The following AARS1 variants were observed in gnomAD, a reference collection of about 807,000 sequenced individuals.
The protein encoded by AARS1 is alanine--tRNA ligase, cytoplasmic.
AARS1 carries 72 observed loss-of-function variants against 108.9 expected under a neutral mutation model. The ratio of observed to expected loss-of-function variants is 0.66; its 90% CI spans 0.55 to 0.80. AARS1 has a LOEUF of 0.80. Ranked by LOEUF, AARS1 falls within the 30% of genes least tolerant of loss-of-function variation. The pLI is 0.00. For synonymous variants in AARS1, 489 were observed against 465.7 expected (o/e 1.05, Z -0.64); for missense variants, 1,193 against 1,233.2 (o/e 0.97, Z 0.49).
chr16:70,258,166 G>A lies in AARS1; in HGVS notation c.2044C>T (p.Leu682=). ...TAGGTCTCATCAAACACAGCCCGTA[G>A]GCCCTGGATGGCTTTCGCTGCTGCC... ...PLAAAKAIQG[L]RAVFDETYPD... Residue 682 remains leucine (L), a synonymous_variant, in exon 15 of 21, where the codon CTA becomes TTA. Transcript: ENST00000261772. The A allele has an allele frequency of 6.2e-7, 1 of 1,608,874 alleles. No individual in the cohort carries two copies. The highest frequency in any genetic ancestry group is 8.5e-7 in the Non-Finnish European group (1 of 1,177,424).
At chr16:70,275,241 C>T (rs1326000238) in intron 4 of AARS1, among the ~76,000 whole-genome samples, 1 of 149,246 alleles carries the variant, frequency 6.7e-6, no homozygotes, top group Non-Finnish European at 1.5e-5. Flanking sequence ...GCCTAGGTGA[C>T]AGACTGAGAC....
At chr16:70,270,754 T>C (rs1440477639) in intron 5 of AARS1, among the ~76,000 whole-genome samples, 9 of 150,336 alleles carry the variant, frequency 6.0e-5, no homozygotes, top group African/African-American at 2.0e-4. Flanking sequence ...GGAGAATCGC[T>C]TGAACCCAGG....
At chr16:70,268,222 C>G in intron 8 of AARS1, 49 bp downstream of exon 8, 1 of 1,555,138 alleles carries the variant, frequency 6.4e-7, no homozygotes. Context: ...CTCCATCCCT[C>G]TTAACGGACT....
intron 12 of AARS1, 67 bp downstream of exon 12, chr16:70,262,279 G>A (rs1363840406): frequency 1.9e-6 from 3 of 1,595,952 alleles, no homozygotes; most frequent in Non-Finnish European, 2.6e-6. Context: ...AGCACTGTGG[G>A]GCAAAAGCAG....
rs1295605832 is a variant in AARS1 at position 70,265,637 on chromosome 16, G to A, written c.1248C>T (p.Asp416=). The A allele has an allele frequency of 1.2e-6, 2 of 1,613,782 alleles. No individual in the cohort carries two copies. Among genetic ancestry groups the A allele is most frequent in the African/African-American group, 1.3e-5 (1 of 74,892 alleles). Residue 416 remains aspartate (D), a synonymous_variant, in exon 10 of 21, where the codon GAC becomes GAT. Transcript: ENST00000261772. ...IPGDTAWLLY[D]TYGFPVDLTG... ...TCAGATCCACTGGAAACCCATAGGT[G>A]TCATAGAGGAGCCAAGCAGTGTCTC...
chr16:70,259,085 A>G lies in AARS1; in HGVS notation c.1887T>C (p.Val629=). 2 of 1,614,162 alleles carry G rather than the reference A, an allele frequency of 1.2e-6. No individual in the cohort carries two copies. Among genetic ancestry groups the G allele is most frequent in the South Asian group, 2.2e-5 (2 of 91,072 alleles). Reference sequence around the variant, plus strand: ...AGTCAAATCTGAGGCGGTCAGGAGCAACCAATGAGCCTTTCTGGTCAGCTT... The same window carrying G: ...AGTCAAATCTGAGGCGGTCAGGAGCGACCAATGAGCCTTTCTGGTCAGCTT... The part of the protein sequence containing the change: ...LGEADQKGSL[V]APDRLRFDFT... The change falls in exon 14 of 21, where the codon GTT becomes GTC. Residue 629 remains valine, a synonymous_variant. Coordinates refer to ENST00000261772, the MANE Select transcript of AARS1 (RefSeq NM_001605.3).
At chr16:70,254,798 T>G (rs1189582447) in intron 16 of AARS1, 64 bp from the exon 17 acceptor site, 1 of 1,156,286 alleles carries the variant, frequency 8.6e-7, no homozygotes, top group Non-Finnish European at 1.3e-6. Flanking sequence ...ATCCTGTGTC[T>G]GAGCAGCTGC....
intron 11 of AARS1, among the ~76,000 whole-genome samples, chr16:70,264,149 G>A (rs971628752): frequency 5.3e-5 from 8 of 151,308 alleles, no homozygotes; most frequent in African/African-American, 1.9e-4. Context: ...GGGAGGCTGA[G>A]GCCGGAGAAT....
chr16:70,254,868 G>A, intron 16 of AARS1, 134 bp from the exon 17 acceptor site: 1 of 681,334 alleles, frequency 1.5e-6, no homozygotes, highest in Non-Finnish European at 2.7e-6. Context: ...GTGTCTGTGG[G>A]GAGTAGGTGC....
In AARS1 at chr16:70,258,205, G is replaced by A. The variant is rs1222212857; in HGVS notation, c.2005C>T (p.Gln669Ter). 1 of 1,593,396 alleles carries A rather than the reference G, an allele frequency of 6.3e-7. No homozygotes were observed. The highest frequency in any genetic ancestry group is 1.1e-5 in the South Asian group (1 of 88,542). Reference sequence around the variant, plus strand: ...TTCGCTGCTGCCAGGGGGCAATCCTGGGTATAGACGGCCTGCCAGACCAAG... The same window carrying A: ...TTCGCTGCTGCCAGGGGGCAATCCTAGGTATAGACGGCCTGCCAGACCAAG... ...MIEAAKAVYT[Q>*]DCPLAAAKAI... The change falls in exon 15 of 21, where the codon CAG becomes TAG. Residue 669 changes from glutamine (Q) to a stop codon, truncating the protein, a stop_gained. Coordinates refer to ENST00000261772, the MANE Select transcript of AARS1 (RefSeq NM_001605.3). LOFTEE classifies it high-confidence loss of function.
intron 4 of AARS1, chr16:70,276,217 A>T (rs530935634): frequency 1.2e-4 from 24 of 207,132 alleles, no homozygotes; most frequent in East Asian, 6.3e-4. Flanking sequence ...CTGTCTCAAA[A>T]AAATAAATAA....
At chr16:70,253,239 A>T in intron 20 of AARS1, 29 bp downstream of exon 20, 4 of 1,558,958 alleles carry the variant, frequency 2.6e-6, no homozygotes, top group Middle Eastern at 3.4e-4. Flanking sequence ...AAGACCTAAC[A>T]CTTCCCACTG....
At chr16:70,282,866 A>G (rs1960738340) in intron 1 of AARS1, 82 bp from the exon 2 acceptor site, 2 of 1,417,236 alleles carry the variant, frequency 1.4e-6, no homozygotes, top group African/African-American at 2.8e-5. Flanking sequence ...TGGCTTCTCA[A>G]GCCAAGTCAA....
At chr16:70,271,483 A>G (rs1255004794) in intron 5 of AARS1, among the ~76,000 whole-genome samples, 1 of 150,656 alleles carries the variant, frequency 6.6e-6, no homozygotes, top group East Asian at 2.0e-4. Flanking sequence ...AGCCAAGATC[A>G]CACCATTGCA....
intron 9 of AARS1, among the ~76,000 whole-genome samples, chr16:70,266,943 TCTC>T (rs1365078562): frequency 2.6e-5 from 4 of 152,122 alleles, no homozygotes; most frequent in African/African-American, 9.7e-5. Context: ...TTCAAGCAAT[TCTC>T]CTGTCTCAGC....
intron 4 of AARS1, among the ~76,000 whole-genome samples, chr16:70,272,641 A>T (rs1960437142): frequency 6.6e-6 from 1 of 151,878 alleles, no homozygotes; most frequent in African/African-American, 2.4e-5. Context: ...ATACACAAGG[A>T]CATGAGTAAG....
chr16:70,254,107 C>T (rs963738939), intron 17 of AARS1, 69 bp from the exon 18 acceptor site: 1 of 1,603,284 alleles, frequency 6.2e-7, no homozygotes, highest in African/African-American at 1.3e-5. Context: ...CAGCCCACCC[C>T]ACCCGAACCC....
In AARS1 at chr16:70,285,903, G is replaced by T. The variant is rs140165016; in HGVS notation, c.-21-3119C>A. On this transcript the variant is annotated intron_variant, in intron 1 of 20. Transcript: ENST00000261772. ...GGAAAATACAATAGAGATGTACAAA[G>T]TGAACAGGAGATCCTGACTCCAGCT... is the stretch of plus-strand genomic sequence containing the variant. Among the ~76,000 whole-genome samples the T allele has an allele frequency of 5.9e-5, 9 of 152,328 alleles. No individual in the cohort carries two copies. In the East Asian group the frequency reaches 1.7e-3, roughly 29 times the overall value.
At position 70,252,593 on chromosome 16, in the gene AARS1, A is replaced by C. The variant is rs1386870855; in HGVS notation, c.*128T>G. On this transcript the variant is annotated 3_prime_UTR_variant, in exon 21 of 21. Transcript: ENST00000261772. ...GGCACTGAGACATAGGACTGCTCCC[A>C]AGTGTGTTCCAGTTACTGCTGGGTT... 1.5e-5 allele frequency: 16 copies of C among 1,053,414 alleles called. No individual in the cohort carries two copies. In the South Asian group the frequency reaches 2.1e-4, roughly 14 times the overall value. 65.3% of individuals were successfully genotyped at this position (1,053,414 alleles called of 1,614,324 possible). A position where few individuals can be genotyped will look rare whatever the true frequency, so the allele number is the denominator to read the frequency against.
Sources: allele counts gnomAD v4.1 joint callset (sites outside exome capture counted in the v4.1 genomes callset), GRCh38; gene constraint gnomAD v4.1.1; transcripts MANE v1.5; gene names NCBI Gene and HGNC (gene_info 2026-07-23, HGNC 2026-07-21).